The following LRRK2 variants were observed in gnomAD, a reference collection of about 807,000 sequenced individuals.
The protein encoded by LRRK2 is leucine rich repeat kinase 2.
In LRRK2, 203 loss-of-function variants were observed where a neutral mutation model predicts 302.6. The observed-to-expected ratio is 0.67, with a 90% CI of 0.60 to 0.75. The LOEUF is 0.75. LRRK2 is among the 30% of genes least tolerant of loss of function. The probability of loss-of-function intolerance (pLI) is 0.00; values close to 1 mark genes in which losing one functional copy is unlikely to be tolerated. For synonymous variants in LRRK2, 1,066 were observed against 1,031.9 expected (o/e 1.03, Z -0.63); for missense variants, 2,830 against 2,951.0 (o/e 0.96, Z 0.95).
intron 38 of LRRK2, among the ~76,000 whole-genome samples, chr12:40,327,408 AT>A (rs1945587318): frequency 6.6e-6 from 1 of 152,234 alleles, no homozygotes; most frequent in Non-Finnish European, 1.5e-5. Flanking sequence ...CCTGGGACTA[AT>A]TAGATCAAAA....
intron 32 of LRRK2, 71 bp downstream of exon 32, chr12:40,314,244 A>G: frequency 6.9e-7 from 1 of 1,459,052 alleles, no homozygotes; most frequent in East Asian, 2.3e-5. Context: ...TGAATCTTTT[A>G]TAGAATTTAC....
chr12:40,310,321 A>T, intron 30 of LRRK2, 110 bp from the exon 31 acceptor site: 1 of 996,118 alleles, frequency 1.0e-6, no homozygotes, highest in East Asian at 2.4e-5. Context: ...GAAGTCTGCT[A>T]GTTTCTCTTT....
chr12:40,282,398 G>T (rs11175847), intron 18 of LRRK2, among the ~76,000 whole-genome samples: 61,112 of 151,748 alleles, frequency 0.4, 12,872 homozygotes, highest in South Asian at 0.54. Context: ...TTTGCTCAGT[G>T]CTACATTAAA....
At chr12:40,249,440 T>C (rs1942157401) in intron 7 of LRRK2, among the ~76,000 whole-genome samples, 1 of 152,078 alleles carries the variant, frequency 6.6e-6, no homozygotes, top group Non-Finnish European at 1.5e-5. Context: ...TGATTTAATA[T>C]TGGGTCTTCC....
At chr12:40,352,071 A>G (rs976034952) in intron 44 of LRRK2, among the ~76,000 whole-genome samples, 1 of 152,218 alleles carries the variant, frequency 6.6e-6, no homozygotes, top group African/African-American at 2.4e-5. Flanking sequence ...TCTGCCCACA[A>G]GGAGCTCTGG....
chr12:40,257,118 G>A, intron 11 of LRRK2, 130 bp from the exon 12 acceptor site: 2 of 691,402 alleles, frequency 2.9e-6, no homozygotes, highest in South Asian at 1.9e-5. Context: ...AGCTGTCAAT[G>A]AACTATAAAT....
chr12:40,268,016 G>A lies in LRRK2; in HGVS notation c.1656+4115G>A, dbSNP rs142557337. Among the ~76,000 whole-genome samples the A allele has an allele frequency of 3.0e-3, 463 of 152,216 alleles. 3 individuals are homozygous for A. Among genetic ancestry groups the A allele is most frequent in the African/African-American group, 0.01 (419 of 41,550 alleles). On this transcript the variant is annotated intron_variant, in intron 14 of 50. Coordinates refer to ENST00000298910, the MANE Select transcript of LRRK2 (RefSeq NM_198578.4). ...AGACTAAGAAGAGTATTTATAAAGC[G>A]AATCCATGTTTGGATACATAAAAGT...
At chr12:40,226,275 T>G (rs1164950845) in intron 2 of LRRK2, among the ~76,000 whole-genome samples, 1 of 152,206 alleles carries the variant, frequency 6.6e-6, no homozygotes, top group Non-Finnish European at 1.5e-5. Context: ...CTTGGATTTT[T>G]TTTTAAAGGG....
chr12:40,259,147 T>C (rs1298158102), intron 12 of LRRK2, among the ~76,000 whole-genome samples: 4 of 152,198 alleles, frequency 2.6e-5, no homozygotes, highest in Non-Finnish European at 4.4e-5. Context: ...CCTGAATATT[T>C]AACCTCTATC....
Position 40,309,188 on chromosome 12 carries a change from A to G in LRRK2, c.4272A>G (p.Gly1424=). ...LYLAVYDLSK[G]QAEVDAMKPW... Reference sequence around the variant, plus strand: ...TTGCTGTCTATGACCTCAGCAAGGGACAGGCTGAAGTTGATGCCATGAAGC... The same window carrying G: ...TTGCTGTCTATGACCTCAGCAAGGGGCAGGCTGAAGTTGATGCCATGAAGC... The change falls in exon 30 of 51, where the codon GGA becomes GGG. Residue 1424 remains glycine (G), a synonymous_variant. Transcript: ENST00000298910. The G allele has an allele frequency of 6.2e-7, 1 of 1,613,948 alleles. No homozygotes were observed. Among genetic ancestry groups the G allele is most frequent in the Non-Finnish European group, 8.5e-7 (1 of 1,179,912 alleles).
intron 39 of LRRK2, 50 bp from the exon 40 acceptor site, chr12:40,334,917 G>A: frequency 1.3e-6 from 2 of 1,594,828 alleles, no homozygotes; most frequent in Non-Finnish European, 1.7e-6. Flanking sequence ...GGAGATACGT[G>A]GGTAAAACCT....
Position 40,274,934 on chromosome 12 carries a change from G to A in LRRK2, c.1882G>A (p.Ala628Thr). ...GTTCATAGGAACTGGACATCTGCTG[G>A]CAAAAATTCTGGTTTCCAGCTTATA... ...NVFIGTGHLL[A>T]KILVSSLYRF... The change falls in exon 16 of 51, where the codon GCA becomes ACA. Residue 628 changes from alanine to threonine, a missense_variant. Coordinates refer to ENST00000298910, the MANE Select transcript of LRRK2 (RefSeq NM_198578.4). 2 of 1,613,912 alleles carry A rather than the reference G, an allele frequency of 1.2e-6. No homozygotes were observed. Among genetic ancestry groups the A allele is most frequent in the Non-Finnish European group, 8.5e-7 (1 of 1,179,914 alleles).
At chr12:40,299,486 A>T (rs1944540271) in intron 25 of LRRK2, among the ~76,000 whole-genome samples, 1 of 152,228 alleles carries the variant, frequency 6.6e-6, no homozygotes, top group African/African-American at 2.4e-5. Flanking sequence ...AGCCAATCTG[A>T]AAAGGCTACA....
At chr12:40,260,728 T>C (rs1942734408) in intron 13 of LRRK2, among the ~76,000 whole-genome samples, 2 of 151,952 alleles carry the variant, frequency 1.3e-5, no homozygotes, top group African/African-American at 4.8e-5. Context: ...GGAGATTGGG[T>C]TGGAGGTCCA....
chr12:40,367,135 A>C (rs1946902659), intron 50 of LRRK2, 58 bp downstream of exon 50: 2 of 1,281,334 alleles, frequency 1.6e-6, no homozygotes, highest in South Asian at 2.4e-5. Context: ...TGATGGTAAC[A>C]TATTATGTGT....
chr12:40,293,472 A>G (rs1944242134), intron 20 of LRRK2, 73 bp from the exon 21 acceptor site: 1 of 922,708 alleles, frequency 1.1e-6, no homozygotes. Flanking sequence ...TGATTGAACT[A>G]TGATAGAAGG....
At chr12:40,332,328 G>C (rs1475617884) in intron 39 of LRRK2, among the ~76,000 whole-genome samples, 1 of 152,140 alleles carries the variant, frequency 6.6e-6, no homozygotes, top group Non-Finnish European at 1.5e-5. Flanking sequence ...GTTAACAGTG[G>C]TTATTCCTGT....
chr12:40,311,792 C>T (rs369413724), intron 31 of LRRK2, among the ~76,000 whole-genome samples: 5 of 152,028 alleles, frequency 3.3e-5, no homozygotes, highest in Non-Finnish European at 7.4e-5. Flanking sequence ...ACATTTATTA[C>T]AGTTATTAAA....
chr12:40,292,839 T>C (rs1355388142), intron 20 of LRRK2, among the ~76,000 whole-genome samples: 2 of 152,030 alleles, frequency 1.3e-5, no homozygotes, highest in Non-Finnish European at 2.9e-5. Context: ...CTTTGTTTTC[T>C]TGTAAATTTA....
Sources: gnomAD v4.1 joint callset for allele counts (sites outside exome capture counted in the v4.1 genomes callset) on GRCh38, gnomAD v4.1.1 for gene constraint, MANE v1.5 for transcripts, NCBI Gene and HGNC (gene_info 2026-07-23, HGNC 2026-07-21) for gene names.